PHF8: variants seen among roughly 807,000 people sequenced by gnomAD.
PHF8 encodes the protein histone lysine demethylase PHF8.
In PHF8, 9 loss-of-function variants were observed where a neutral mutation model predicts 74.4. The observed-to-expected ratio is 0.12, with a 90% CI of 0.07 to 0.21. The LOEUF (loss-of-function observed/expected upper bound fraction) is 0.21. PHF8 is among the 10% of genes least tolerant of loss of function. The pLI is 1.00. For synonymous variants in PHF8, 311 were observed against 316.6 expected, an observed-to-expected ratio of 0.98 and a Z score of 0.19; for missense variants, 478 against 816.6, an observed-to-expected ratio of 0.59 and a Z score of 5.05.
intron 11 of PHF8, among the ~76,000 whole-genome samples, chrX:53,998,241 GTCA>G (rs1557103424): frequency 9.0e-6 from 1 of 110,511 alleles, no homozygotes; most frequent in Admixed American, 9.7e-5. Flanking sequence ...ATCACTTGAG[GTCA>G]GGAGTTCGAG....
chrX:53,981,887 G>C (rs2065484923), intron 18 of PHF8, among the ~76,000 whole-genome samples: 1 of 112,118 alleles, frequency 8.9e-6, no homozygotes, highest in African/African-American at 3.2e-5. Flanking sequence ...AAATGCCTCT[G>C]ATGAAAGATA....
intron 2 of PHF8, among the ~76,000 whole-genome samples, chrX:54,025,171 C>T (rs1009015153): frequency 3.6e-5 from 4 of 111,808 alleles, no homozygotes; most frequent in African/African-American, 9.7e-5. Context: ...CCACTGCGCC[C>T]GGCCGGTTCA....
intron 4 of PHF8, among the ~76,000 whole-genome samples, chrX:54,019,363 G>A (rs1396897156): frequency 1.0e-4 from 11 of 109,653 alleles, no homozygotes; most frequent in Non-Finnish European, 1.7e-4. Flanking sequence ...CCCAGGAAGC[G>A]CAGGTGGGAA....
At chrX:54,017,420 C>G (rs994857780) in intron 5 of PHF8, among the ~76,000 whole-genome samples, 1 of 112,287 alleles carries the variant, frequency 8.9e-6, no homozygotes, top group African/African-American at 3.2e-5. Context: ...TGTACTCCAG[C>G]CTGGGCAACA....
chrX:53,991,675 A>AC (rs1475042770), intron 14 of PHF8, among the ~76,000 whole-genome samples: 2,614 of 105,548 alleles, frequency 0.025, 114 homozygotes, highest in African/African-American at 0.088. Flanking sequence ...AAAAAAAAAA[A>AC]AAAAAAAAAA....
chrX:53,969,293 AC>A (rs1387906098), intron 18 of PHF8, among the ~76,000 whole-genome samples: 1 of 111,559 alleles, frequency 9.0e-6, no homozygotes, highest in African/African-American at 3.3e-5. Flanking sequence ...AAATCAACAT[AC>A]AAAAATCAGT....
chrX:54,037,241 T>C (rs919238202), intron 2 of PHF8, among the ~76,000 whole-genome samples: 7 of 111,337 alleles, frequency 6.3e-5, no homozygotes, highest in Non-Finnish European at 1.1e-4. Flanking sequence ...CAAATTTTTT[T>C]TGTTTGTTTG....
upstream of PHF8, among the ~76,000 whole-genome samples, chrX:54,046,181 A>G (rs1448213467): frequency 9.0e-6 from 1 of 111,241 alleles, no homozygotes; most frequent in African/African-American, 3.3e-5. Flanking sequence ...TCCTGGTTTC[A>G]GATCCTCTAA....
At chrX:54,002,290 A>G in intron 9 of PHF8, 29 bp from the exon 10 acceptor site, 2 of 941,853 alleles carry the variant, frequency 2.1e-6, no homozygotes, top group South Asian at 2.0e-5. Flanking sequence ...AACAACAAAA[A>G]CAAGGATTCA....
chrX:54,015,792 G>C (rs1345769163), intron 6 of PHF8, among the ~76,000 whole-genome samples: 1 of 110,707 alleles, frequency 9.0e-6, no homozygotes, highest in Admixed American at 9.8e-5. Context: ...ATGATTTCTT[G>C]GTATTTCCCA....
At chrX:54,022,113 A>G (rs1047543651) in intron 4 of PHF8, 146 bp downstream of exon 4, 1 of 472,583 alleles carries the variant, frequency 2.1e-6, no homozygotes, top group Non-Finnish European at 3.7e-6. Flanking sequence ...GAATTGACCA[A>G]ACCAGAAGGA....
chrX:54,017,477 G>C (rs1378730326), intron 5 of PHF8, among the ~76,000 whole-genome samples, 184 bp downstream of exon 5: 1 of 112,001 alleles, frequency 8.9e-6, no homozygotes, highest in Non-Finnish European at 1.9e-5. Context: ...TGCATGAAAG[G>C]AGAACAAAGA....
rs2065803717 is a variant in PHF8, at chrX:53,999,970, G to A, written c.1142-9C>T. 2 of 1,091,542 alleles carry A rather than the reference G, an allele frequency of 1.8e-6. No homozygotes were observed. The highest frequency in any genetic ancestry group is 1.8e-5 in the African/African-American group (1 of 55,140). 90.0% of individuals were successfully genotyped at this position (1,091,542 alleles called of 1,213,427 possible). A position where few individuals can be genotyped will look rare whatever the true frequency, so the allele number is the denominator to read the frequency against. ...CCTGTTCTCTCGCAAACCTAAAGGA[G>A]GAAAGAGGAAAGCAGAGTGTCAACA... On this transcript the variant is annotated splice_polypyrimidine_tract_variant and intron_variant, in intron 10 of 21. Coordinates refer to ENST00000338154, the MANE Select transcript of PHF8 (RefSeq NM_015107.3).
chrX:53,988,091 C>T (rs1217441293), intron 14 of PHF8, 147 bp from the exon 15 acceptor site: 1 of 507,831 alleles, frequency 2.0e-6, no homozygotes, highest in African/African-American at 2.3e-5. Flanking sequence ...GATAGTAAAA[C>T]GTACATGGAC....
rs781826241 is a variant in PHF8, at chrX:53,993,853, C to T, written c.1374G>A (p.Gln458=). The T allele has an allele frequency of 4.1e-6, 5 of 1,207,470 alleles. No homozygotes were observed. Among genetic ancestry groups the T allele is most frequent in the Non-Finnish European group, 5.6e-6 (5 of 892,742 alleles). The change falls in exon 13 of 22, where the codon CAG becomes CAA. Residue 458 remains glutamine (Q), a synonymous_variant. Coordinates refer to ENST00000338154, the MANE Select transcript of PHF8 (RefSeq NM_015107.3). The stretch of plus-strand genomic sequence containing the variant: ...GAATGGAGCCGGCTGGGAAGATCCT[C>T]TGCAGCCCAAAGATATTGCTCGTCT... ...VGKTSNIFGL[Q]RIFPAGSIPL...
chrX:54,044,908 C>T, upstream of PHF8: 1 of 1,149,593 alleles, frequency 8.7e-7, no homozygotes, highest in Non-Finnish European at 1.2e-6. Context: ...CTTCGATAGG[C>T]TGGGCTCTTT....
At chrX:54,036,268 T>C (rs2066454119) in intron 2 of PHF8, among the ~76,000 whole-genome samples, 1 of 110,642 alleles carries the variant, frequency 9.0e-6, no homozygotes, top group Admixed American at 9.7e-5. Context: ...TTTACCAAGA[T>C]AGACTCTGGG....
chrX:54,032,677 AC>A (rs1557112906), intron 2 of PHF8, among the ~76,000 whole-genome samples: 2 of 110,943 alleles, frequency 1.8e-5, no homozygotes, highest in African/African-American at 3.3e-5. Context: ...CTGTTAGTTT[AC>A]TGTCTCATGT....
intron 5 of PHF8, among the ~76,000 whole-genome samples, chrX:54,017,305 G>A (rs1301909404): frequency 6.2e-5 from 7 of 112,128 alleles, no homozygotes; most frequent in Non-Finnish European, 1.3e-4. Flanking sequence ...AAACTAGCTA[G>A]GCATGGTGGT....
Sources: allele counts gnomAD v4.1 joint callset (sites outside exome capture counted in the v4.1 genomes callset), GRCh38; gene constraint gnomAD v4.1.1; transcripts MANE v1.5; gene names NCBI Gene and HGNC (gene_info 2026-07-23, HGNC 2026-07-21).